ZNF675: variants seen among roughly 807,000 people sequenced by gnomAD.
ZNF675 encodes the protein zinc finger protein 675.
A neutral mutation model predicts 56.1 loss-of-function variants in ZNF675; 36 were observed. The observed-to-expected ratio is 0.64, with a 90% CI of 0.49 to 0.85. The LOEUF (loss-of-function observed/expected upper bound fraction) is 0.85, where lower values mean the gene tolerates loss of function less well. Ranked by LOEUF, ZNF675 falls within the 40% of genes least tolerant of loss-of-function variation. ZNF675 has a pLI of 0.00. For synonymous variants in ZNF675, 200 were observed against 218.9 expected, an observed-to-expected ratio of 0.91 and a Z score of 0.76; for missense variants, 663 against 654.2, an observed-to-expected ratio of 1.01 and a Z score of -0.15.
At chr19:23,671,244 G>C (rs1968223234) in intron 1 of ZNF675, among the ~76,000 whole-genome samples, 1 of 152,148 alleles carries the variant, frequency 6.6e-6, no homozygotes, top group Non-Finnish European at 1.5e-5. Flanking sequence ...ACAAGCTACA[G>C]ATAGGGCCAC....
At chr19:23,663,608 C>T (rs1445056844) in intron 1 of ZNF675, among the ~76,000 whole-genome samples, 6 of 152,214 alleles carry the variant, frequency 3.9e-5, no homozygotes, top group East Asian at 1.9e-4. Context: ...AGGAGAATCA[C>T]GAGAATGGCT....
intron 1 of ZNF675, among the ~76,000 whole-genome samples, chr19:23,672,655 C>T (rs1286080852): frequency 6.6e-6 from 1 of 152,100 alleles, no homozygotes; most frequent in African/African-American, 2.4e-5. Flanking sequence ...AAGTGGAGTA[C>T]AATCAAAGGA....
Position 23,654,155 on chromosome 19 carries a change from C to G in ZNF675, c.778G>C (p.Glu260Gln), listed in dbSNP as rs559934068. 2 of 1,614,048 alleles carry G rather than the reference C, an allele frequency of 1.2e-6. No homozygotes were observed. Among genetic ancestry groups the G allele is most frequent in the East Asian group, 4.5e-5 (2 of 44,868 alleles). Reference protein sequence around the residue: ...YAREKPYKCEECGKAFNQSSH... With the variant: ...YAREKPYKCEQCGKAFNQSSH... Reference sequence around the variant, plus strand: ...GACTGGTTAAAGGCTTTGCCACATTCTTCACATTTGTATGGTTTCTCTCGA... The same window carrying G: ...GACTGGTTAAAGGCTTTGCCACATTGTTCACATTTGTATGGTTTCTCTCGA... The change falls in exon 4 of 4, where the codon GAA becomes CAA. Residue 260 changes from glutamate (E) to glutamine (Q), a missense_variant. This residue lies in a region of ZNF675 where 617 missense variants were observed against 590.5 expected (regional missense o/e 1.04). Coordinates refer to ENST00000359788, the MANE Select transcript of ZNF675 (RefSeq NM_138330.3).
intron 3 of ZNF675, among the ~76,000 whole-genome samples, chr19:23,657,982 AAC>A (rs1968010173): frequency 1.3e-5 from 2 of 152,180 alleles, no homozygotes; most frequent in African/African-American, 4.8e-5. Context: ...AAACTGAAAA[AAC>A]ACATTAATAT....
intron 3 of ZNF675, among the ~76,000 whole-genome samples, chr19:23,658,894 TATAG>T (rs1217455011): frequency 1.8e-4 from 2 of 11,004 alleles, no homozygotes; most frequent in Non-Finnish European, 4.5e-4. Context: ...GATATAGATC[TATAG>T]ATATCTATAG....
intron 1 of ZNF675, among the ~76,000 whole-genome samples, chr19:23,669,120 C>T (rs1968195523): frequency 6.6e-6 from 1 of 152,168 alleles, no homozygotes; most frequent in Non-Finnish European, 1.5e-5. Flanking sequence ...CTTTTTCAGT[C>T]TTTCAGCAGC....
At chr19:23,681,614 G>C (rs1319421937) in intron 1 of ZNF675, among the ~76,000 whole-genome samples, 3 of 151,638 alleles carry the variant, frequency 2.0e-5, no homozygotes, top group African/African-American at 7.3e-5. Context: ...TCTAACGTTT[G>C]AATTCTGACA....
chr19:23,653,360 C>G lies in ZNF675; in HGVS notation c.1573G>C (p.Glu525Gln). 2.5e-6 allele frequency: 4 copies of G among 1,613,490 alleles called. No homozygotes were observed. The highest frequency in any genetic ancestry group is 3.4e-6 in the Non-Finnish European group (4 of 1,179,914). Residue 525 changes from glutamate to glutamine, a missense_variant, in exon 4 of 4, where the codon GAA becomes CAA. This residue lies in a region of ZNF675 where 617 missense variants were observed against 590.5 expected (regional missense o/e 1.04). Coordinates refer to ENST00000359788, the MANE Select transcript of ZNF675 (RefSeq NM_138330.3). ...KAFSRSSKLT[E>Q]HKIIHTGEKP... is the part of the protein sequence containing the mutation. The stretch of plus-strand genomic sequence containing the variant: ...TCTCCAGTATGAATTATCTTATGTT[C>G]AGTAAGTTTTGAGGATCGGCTAAAA...
At chr19:23,675,709 G>A (rs1374371333) in intron 1 of ZNF675, among the ~76,000 whole-genome samples, 1 of 151,592 alleles carries the variant, frequency 6.6e-6, no homozygotes, top group African/African-American at 2.4e-5. Context: ...AGTATTAAGA[G>A]GGAAATTTAT....
chr19:23,654,012 A>G lies in ZNF675; in HGVS notation c.921T>C (p.Thr307=), dbSNP rs776546422. ...SNLTTHKKIH[T]GEQPYICEEC... Reference sequence around the variant, plus strand: ...CTTCACATATGTAGGGTTGCTCTCCAGTATGAATTTTTTTATGTGTAGTAA... The same window carrying G: ...CTTCACATATGTAGGGTTGCTCTCCGGTATGAATTTTTTTATGTGTAGTAA... The change falls in exon 4 of 4, where the codon ACT becomes ACC. Residue 307 remains threonine (T), a synonymous_variant. Coordinates refer to ENST00000359788, the MANE Select transcript of ZNF675 (RefSeq NM_138330.3). 20 of 1,613,828 alleles carry G rather than the reference A, an allele frequency of 1.2e-5. 1 individual carries two copies. In the East Asian group the frequency reaches 4.5e-4, roughly 36 times the overall value.
At chr19:23,658,508 C>A (rs947216489) in intron 3 of ZNF675, 1 of 151,890 alleles carries the variant, frequency 6.6e-6, no homozygotes, top group Admixed American at 6.6e-5. Context: ...GGTGAAACCC[C>A]ATCTCTACTA....
intron 1 of ZNF675, among the ~76,000 whole-genome samples, chr19:23,669,767 C>G (rs1353542680): frequency 6.6e-6 from 1 of 151,670 alleles, no homozygotes; most frequent in African/African-American, 2.4e-5. Flanking sequence ...GCAGGAGAAT[C>G]GCTTGAATCC....
intron 1 of ZNF675, among the ~76,000 whole-genome samples, chr19:23,666,858 G>A (rs1015495961): frequency 6.6e-6 from 1 of 151,086 alleles, no homozygotes; most frequent in Non-Finnish European, 1.5e-5. Flanking sequence ...AGGTTTCCAC[G>A]TGCAAGTGCC....
At position 23,653,818 on chromosome 19, in the gene ZNF675, T is replaced by C; in HGVS notation, c.1115A>G (p.Glu372Gly). The C allele has an allele frequency of 6.2e-7, 1 of 1,613,932 alleles. No homozygotes were observed. Residue 372 changes from glutamate (E) to glycine (G), a missense_variant, in exon 4 of 4, where the codon GAA becomes GGA. By Grantham distance (98) the Glu-to-Gly change is moderately conservative. This residue lies in a region of ZNF675 where 617 missense variants were observed against 590.5 expected (regional missense o/e 1.04). Coordinates refer to ENST00000359788, the MANE Select transcript of ZNF675 (RefSeq NM_138330.3). Reference protein sequence around the residue: ...HTGEQPYKCEECGKAFNRSSN... With the variant: ...HTGEQPYKCEGCGKAFNRSSN... ...GGATCGGTTAAAAGCTTTGCCGCAT[T>C]CCTCACATTTGTAGGGTTGCTCTCC... is the stretch of plus-strand genomic sequence containing the variant.
intron 2 of ZNF675, 43 bp downstream of exon 2, chr19:23,662,987 GAA>G: frequency 7.3e-7 from 1 of 1,372,904 alleles, no homozygotes; most frequent in Non-Finnish European, 9.4e-7. Context: ...CGTCTCAAAA[GAA>G]AAACAAAAAA....
chr19:23,677,034 G>A (rs4932898), intron 1 of ZNF675, among the ~76,000 whole-genome samples: 52,435 of 146,850 alleles, frequency 0.36, 10,250 homozygotes, highest in East Asian at 0.65. Context: ...CCGAGATTGC[G>A]CCACTGCATC....
At chr19:23,665,681 T>G (rs1055492811) in intron 1 of ZNF675, among the ~76,000 whole-genome samples, 2 of 152,102 alleles carry the variant, frequency 1.3e-5, no homozygotes, top group African/African-American at 4.8e-5. Context: ...GTATTTTAAG[T>G]AGAGGCAGGG....
chr19:23,679,524 A>C (rs1338258724), intron 1 of ZNF675, among the ~76,000 whole-genome samples: 3 of 151,770 alleles, frequency 2.0e-5, no homozygotes, highest in Admixed American at 2.0e-4. Context: ...CAAATTGACA[A>C]ATGGGATCTA....
intron 2 of ZNF675, 26 bp from the exon 3 acceptor site, chr19:23,662,235 T>A: frequency 6.5e-7 from 1 of 1,541,232 alleles, no homozygotes; most frequent in South Asian, 1.1e-5. Context: ...ATAAATAACA[T>A]TAATTTTGCT....
Sources: gnomAD v4.1 joint callset for allele counts (sites outside exome capture counted in the v4.1 genomes callset) on GRCh38, gnomAD v4.1.1 for gene constraint, gnomAD v4.1.1 regional missense constraint, MANE v1.5 for transcripts, NCBI Gene and HGNC (gene_info 2026-07-23, HGNC 2026-07-21) for gene names.